Variants in AKAP7 observed in about 807,000 individuals in gnomAD.
The protein encoded by AKAP7 is A-kinase anchoring protein 7.
In AKAP7, 39 loss-of-function variants were observed where a neutral mutation model predicts 39.5. The ratio of observed to expected loss-of-function variants is 0.99; its 90% CI spans 0.76 to 1.29. AKAP7 has a LOEUF of 1.29. AKAP7 is among the 50% of genes most tolerant of loss of function. The probability of loss-of-function intolerance (pLI) is 0.00; values close to 1 mark genes in which losing one functional copy is unlikely to be tolerated. For synonymous variants in AKAP7, 140 were observed against 139.1 expected, an observed-to-expected ratio of 1.01 and a Z score of -0.05; for missense variants, 414 against 407.7, an observed-to-expected ratio of 1.02 and a Z score of -0.13.
intron 2 of AKAP7, among the ~76,000 whole-genome samples, chr6:131,151,583 A>G (rs141241410): frequency 0.071 from 10,762 of 151,686 alleles, 502 homozygotes; most frequent in Middle Eastern, 0.16. Context: ...TATCTCTACT[A>G]AAAATACAAA....
chr6:131,239,410 T>C (rs369382639), intron 7 of AKAP7, among the ~76,000 whole-genome samples: 13 of 152,320 alleles, frequency 8.5e-5, no homozygotes, highest in African/African-American at 3.1e-4. Flanking sequence ...TCGAGGAGTA[T>C]CTTTTTGGCG....
intron 7 of AKAP7, among the ~76,000 whole-genome samples, chr6:131,255,088 A>G (rs17652219): frequency 0.12 from 17,885 of 152,178 alleles, 1,207 homozygotes; most frequent in Admixed American, 0.19. Flanking sequence ...TAGAAATCCT[A>G]TAGCCTTATA....
intron 7 of AKAP7, among the ~76,000 whole-genome samples, chr6:131,261,689 C>T (rs74486762): frequency 0.022 from 3,314 of 152,204 alleles, 159 homozygotes; most frequent in East Asian, 0.17. Context: ...TCATGAAATA[C>T]GCATTTTTTT....
At chr6:131,258,981 C>T (rs1363171907) in intron 7 of AKAP7, among the ~76,000 whole-genome samples, 1 of 152,052 alleles carries the variant, frequency 6.6e-6, no homozygotes, top group East Asian at 1.9e-4. Context: ...GTTTGTAGTG[C>T]TGATGGGAGA....
chr6:131,149,326 A>C (rs909222080), intron 2 of AKAP7, among the ~76,000 whole-genome samples: 1 of 152,224 alleles, frequency 6.6e-6, no homozygotes, highest in Admixed American at 6.5e-5. Flanking sequence ...TGCATGTACA[A>C]TGGAAATCTT....
intron 7 of AKAP7, among the ~76,000 whole-genome samples, chr6:131,226,906 T>C (rs1036669015): frequency 5.3e-5 from 8 of 152,244 alleles, no homozygotes; most frequent in Admixed American, 5.2e-4. Context: ...ACATGTACGA[T>C]GTGCCTACTT....
upstream of AKAP7, among the ~76,000 whole-genome samples, chr6:131,132,037 G>C (rs557036651): frequency 2.0e-5 from 3 of 152,302 alleles, no homozygotes; most frequent in Non-Finnish European, 4.4e-5. Flanking sequence ...ATTCGGCCAG[G>C]CGCGGTGGGT....
chr6:131,140,705 C>T (rs1800961377), intron 1 of AKAP7, among the ~76,000 whole-genome samples: 1 of 152,156 alleles, frequency 6.6e-6, no homozygotes, highest in African/African-American at 2.4e-5. Context: ...GATTTTCATT[C>T]AGCCTTGTTT....
intron 5 of AKAP7, among the ~76,000 whole-genome samples, chr6:131,173,611 T>C (rs1041025414): frequency 6.6e-6 from 1 of 152,178 alleles, no homozygotes; most frequent in Non-Finnish European, 1.5e-5. Flanking sequence ...CTTAAAATCA[T>C]TAGTAGGCCA....
intron 7 of AKAP7, among the ~76,000 whole-genome samples, chr6:131,240,193 G>A (rs1404837741): frequency 2.0e-5 from 3 of 152,252 alleles, no homozygotes; most frequent in Non-Finnish European, 4.4e-5. Flanking sequence ...GTTTGCCTGG[G>A]TATCAGCAGC....
chr6:131,266,582 A>G (rs1813815746), intron 7 of AKAP7, among the ~76,000 whole-genome samples: 2 of 152,196 alleles, frequency 1.3e-5, no homozygotes, highest in Admixed American at 6.5e-5. Context: ...TAAATTGATA[A>G]TTGTAGGCCA....
At chr6:131,275,766 C>CG (rs1175774700) in intron 7 of AKAP7, among the ~76,000 whole-genome samples, 2 of 152,252 alleles carry the variant, frequency 1.3e-5, no homozygotes, top group East Asian at 3.9e-4. Flanking sequence ...ATGTGCGGAT[C>CG]GGGGGGCTGG....
At chr6:131,164,189 TC>T in intron 3 of AKAP7, 1 of 318,696 alleles carries the variant, frequency 3.1e-6, no homozygotes. Context: ...CCCCACTCTT[TC>T]CCTTTTTTTC....
At chr6:131,227,478 T>A (rs1296451654) in intron 7 of AKAP7, among the ~76,000 whole-genome samples, 4 of 152,134 alleles carry the variant, frequency 2.6e-5, no homozygotes, top group Non-Finnish European at 5.9e-5. Flanking sequence ...GAGAATGATG[T>A]TGTGCTTGCT....
chr6:131,187,445 C>G (rs1350972170), intron 5 of AKAP7, among the ~76,000 whole-genome samples: 1 of 151,950 alleles, frequency 6.6e-6, no homozygotes, highest in Non-Finnish European at 1.5e-5. Context: ...TTTCCTTTCA[C>G]ATTGTATCAC....
At chr6:131,232,621 A>G (rs1390372296) in intron 7 of AKAP7, among the ~76,000 whole-genome samples, 2 of 152,172 alleles carry the variant, frequency 1.3e-5, no homozygotes, top group Non-Finnish European at 2.9e-5. Flanking sequence ...CAGCCTGGCC[A>G]ACATGGCAAA....
chr6:131,276,054 T>G lies in AKAP7; in HGVS notation c.851-5476T>G, dbSNP rs192416857. On this transcript the variant is annotated intron_variant, in intron 7 of 7. Transcript: ENST00000431975. ...CAGTGTAAAAATGATGAGGGTGGAG[T>G]TGGGTGGAGGGACATACAGTGTAGC... Among the ~76,000 whole-genome samples, 315 of 152,118 alleles carry G rather than the reference T, an allele frequency of 2.1e-3. 1 individual carries two copies. Among genetic ancestry groups the G allele is most frequent in the African/African-American group, 7.3e-3 (302 of 41,496 alleles).
intron 7 of AKAP7, among the ~76,000 whole-genome samples, chr6:131,220,181 C>T (rs573065002): frequency 9.2e-5 from 14 of 152,254 alleles, no homozygotes; most frequent in African/African-American, 2.9e-4. Flanking sequence ...CTTGTAATTA[C>T]GAATAAAATG....
At chr6:131,231,827 T>G (rs1456624816) in intron 7 of AKAP7, among the ~76,000 whole-genome samples, 1 of 152,180 alleles carries the variant, frequency 6.6e-6, no homozygotes, top group Non-Finnish European at 1.5e-5. Context: ...CTTGTTTCTT[T>G]TTGCATCCTA....
Sources: gnomAD v4.1 joint callset for allele counts (sites outside exome capture counted in the v4.1 genomes callset) on GRCh38, gnomAD v4.1.1 for gene constraint, MANE v1.5 for transcripts, NCBI Gene and HGNC (gene_info 2026-07-23, HGNC 2026-07-21) for gene names.